SGCD: variants seen among roughly 807,000 people sequenced by gnomAD.
SGCD encodes sarcoglycan delta.
Under a neutral mutation model 36.6 loss-of-function variants are expected in SGCD, and 18 were observed. That is an observed-to-expected ratio of 0.49 (90% CI 0.34 to 0.73). The LOEUF (loss-of-function observed/expected upper bound fraction) is 0.73, where lower values mean the gene tolerates loss of function less well. Ranked by LOEUF, SGCD falls within the 30% of genes least tolerant of loss-of-function variation. SGCD has a pLI of 0.01. For synonymous variants in SGCD, 133 were observed against 130.6 expected, an observed-to-expected ratio of 1.02 and a Z score of -0.12; for missense variants, 387 against 346.7, an observed-to-expected ratio of 1.12 and a Z score of -0.92.
intron 3 of SGCD, among the ~76,000 whole-genome samples, chr5:156,454,437 A>G (rs901005051): frequency 2.0e-5 from 3 of 152,206 alleles, no homozygotes; most frequent in African/African-American, 4.8e-5. Flanking sequence ...AGGCTAAACT[A>G]GAAGGGAAAC....
At chr5:155,805,437 G>A in the SGCD span, among the ~76,000 whole-genome samples, 1 of 152,210 alleles carries the variant, frequency 6.6e-6, no homozygotes, top group Non-Finnish European at 1.5e-5. Context: ...GTAGGAAAAG[G>A]TTTCTCAATC....
intron 3 of SGCD, among the ~76,000 whole-genome samples, chr5:156,125,878 A>ATTC (rs1366545481): frequency 6.9e-6 from 1 of 145,176 alleles, no homozygotes; most frequent in Non-Finnish European, 1.5e-5. Context: ...TATTATTATT[A>ATTC]TTATTATTAT....
chr5:156,102,629 G>T (rs2127597117), intron 1 of SGCD, among the ~76,000 whole-genome samples: 1 of 152,320 alleles, frequency 6.6e-6, no homozygotes, highest in Non-Finnish European at 1.5e-5. Flanking sequence ...GCATAAACCA[G>T]TGTTGATGAC....
chr5:156,059,044 ATT>A (rs1760135151), intron 1 of SGCD, among the ~76,000 whole-genome samples: 1 of 144,944 alleles, frequency 6.9e-6, no homozygotes, highest in Non-Finnish European at 1.6e-5. Flanking sequence ...ATAGATTTTT[ATT>A]TTCTTTTTTG....
chr5:156,284,889 G>C (rs1239581216), intron 3 of SGCD, among the ~76,000 whole-genome samples: 1 of 152,208 alleles, frequency 6.6e-6, no homozygotes, highest in Non-Finnish European at 1.5e-5. Context: ...AATTGTCCCT[G>C]TTTGCAGATG....
chr5:156,573,517 A>G (rs539915604), intron 4 of SGCD, among the ~76,000 whole-genome samples: 1 of 152,248 alleles, frequency 6.6e-6, no homozygotes, highest in African/African-American at 2.4e-5. Context: ...CTAGTTCTCT[A>G]TGGCAGCTGG....
chr5:156,285,261 T>C (rs548056230), intron 3 of SGCD, among the ~76,000 whole-genome samples: 147 of 152,296 alleles, frequency 9.7e-4, no homozygotes, highest in African/African-American at 3.4e-3. Flanking sequence ...AGGGAATTTA[T>C]GGATTCAATG....
intron 3 of SGCD, among the ~76,000 whole-genome samples, chr5:156,240,252 A>G (rs1388670765): frequency 6.6e-6 from 1 of 152,200 alleles, no homozygotes; most frequent in Non-Finnish European, 1.5e-5. Context: ...AGGATTTAAA[A>G]TATATTATAT....
At chr5:156,024,036 A>G (rs1759168803) in intron 1 of SGCD, among the ~76,000 whole-genome samples, 1 of 152,136 alleles carries the variant, frequency 6.6e-6, no homozygotes, top group African/African-American at 2.4e-5. Context: ...GCTACCTTTA[A>G]TTTCCACAGT....
At chr5:155,753,333 C>CT in the SGCD span, among the ~76,000 whole-genome samples, 1 of 103,140 alleles carries the variant, frequency 9.7e-6, no homozygotes, top group East Asian at 2.6e-4. Context: ...GAGACTTTGT[C>CT]TAAAAAAAAA....
intron 4 of SGCD, among the ~76,000 whole-genome samples, chr5:156,531,346 G>T (rs1195126301): frequency 6.6e-6 from 1 of 152,344 alleles, no homozygotes; most frequent in South Asian, 2.1e-4. Flanking sequence ...CCAGGCTGGG[G>T]TTCTTTTGGT....
chr5:155,985,822 C>T (rs1034546801), intron 1 of SGCD, among the ~76,000 whole-genome samples: 1 of 152,218 alleles, frequency 6.6e-6, no homozygotes, highest in Non-Finnish European at 1.5e-5. Context: ...TCCTGAGGAA[C>T]TGGTGGACAG....
chr5:156,711,305 A>G (rs1754983628), intron 7 of SGCD, among the ~76,000 whole-genome samples: 1 of 152,190 alleles, frequency 6.6e-6, no homozygotes, highest in Admixed American at 6.5e-5. Flanking sequence ...TTCCTACTTT[A>G]GTAACATTTA....
At chr5:156,705,941 AT>A (rs1754722775) in intron 7 of SGCD, among the ~76,000 whole-genome samples, 1 of 152,184 alleles carries the variant, frequency 6.6e-6, no homozygotes, top group Non-Finnish European at 1.5e-5. Context: ...GAGTTCAAAT[AT>A]GTTTACTAAA....
intron 3 of SGCD, among the ~76,000 whole-genome samples, chr5:156,207,968 T>C (rs747162787): frequency 2.6e-5 from 4 of 152,212 alleles, no homozygotes; most frequent in African/African-American, 4.8e-5. Context: ...GAACCCTTTA[T>C]GTAAAACCAT....
At chr5:156,573,856 G>A (rs1759820152) in intron 4 of SGCD, among the ~76,000 whole-genome samples, 1 of 151,878 alleles carries the variant, frequency 6.6e-6, no homozygotes, top group South Asian at 2.1e-4. Context: ...ACCATGCCCA[G>A]CTAATTTTTT....
At chr5:156,729,510 G>A (rs1170041800) in intron 7 of SGCD, among the ~76,000 whole-genome samples, 1 of 152,180 alleles carries the variant, frequency 6.6e-6, no homozygotes, top group Non-Finnish European at 1.5e-5. Context: ...TAGCAAGCAT[G>A]AAATGGGATG....
chr5:156,288,184 C>T (rs1365385255), intron 3 of SGCD, among the ~76,000 whole-genome samples: 1 of 152,148 alleles, frequency 6.6e-6, no homozygotes, highest in Non-Finnish European at 1.5e-5. Context: ...TGGTAGAACT[C>T]TCGGGAGCTT....
At chr5:155,735,350 A>C in the SGCD span, among the ~76,000 whole-genome samples, 1 of 152,218 alleles carries the variant, frequency 6.6e-6, no homozygotes, top group South Asian at 2.1e-4. Flanking sequence ...TTTTATCTGT[A>C]CATCTAATTA....
Sources: gnomAD v4.1 joint callset for allele counts (sites outside exome capture counted in the v4.1 genomes callset) on GRCh38, gnomAD v4.1.1 for gene constraint, MANE v1.5 for transcripts, NCBI Gene and HGNC (gene_info 2026-07-23, HGNC 2026-07-21) for gene names.